PCDHGA3: variants seen among roughly 807,000 people sequenced by gnomAD.
PCDHGA3 encodes the protein protocadherin gamma subfamily A, 3, also known as protocadherin gamma-A3.
In PCDHGA3, 40 loss-of-function variants were observed where a neutral mutation model predicts 58.5. The observed-to-expected ratio is 0.68, with a 90% confidence interval of 0.53 to 0.89. PCDHGA3 has a LOEUF of 0.89. Among genes scored for constraint, PCDHGA3 ranks in the 40% least tolerant of loss-of-function variants. The pLI is 0.00. For missense variants in PCDHGA3, 1,223 were observed against 1,195.9 expected, an observed-to-expected ratio of 1.02 and a Z score of -0.33; for synonymous variants, 530 against 525.7, an observed-to-expected ratio of 1.01 and a Z score of -0.11.
At chr5:141,396,767 G>A (rs900685366) in intron 1 of PCDHGA3, 1 of 152,338 alleles carries the variant, frequency 6.6e-6, no homozygotes, top group East Asian at 1.9e-4. Context: ...ATAAATGTTT[G>A]TTATTAATGA....
At chr5:141,406,371 C>T (rs893677721) in intron 1 of PCDHGA3, among the ~76,000 whole-genome samples, 1 of 152,154 alleles carries the variant, frequency 6.6e-6, no homozygotes, top group African/African-American at 2.4e-5. Context: ...TAAGGGTAAA[C>T]TGATAAAAAG....
At position 141,355,654 on chromosome 5, in the gene PCDHGA3, T is replaced by C. The variant is rs199886630; in HGVS notation, c.2424+9197T>C. 3.2e-3 allele frequency: 5,118 copies of C among 1,613,994 alleles called. 18 individuals carry two copies. The highest frequency in any genetic ancestry group is 4.0e-3 in the Non-Finnish European group (4,668 of 1,179,882). ...TGAAAATGAAAATCCTGGGGCAAGA[T>C]TTCCTCTTCCTGAAGCTTTTGATCC... On this transcript the variant is annotated intron_variant, in intron 1 of 3. Transcript: ENST00000253812.
At chr5:141,361,727 C>G in intron 1 of PCDHGA3, 13 of 1,613,274 alleles carry the variant, frequency 8.1e-6, no homozygotes, top group Non-Finnish European at 1.1e-5. Flanking sequence ...TTCGAGCTCA[C>G]ACTGCAGGCC....
chr5:141,408,112 C>T, intron 1 of PCDHGA3: 1 of 1,460,448 alleles, frequency 6.8e-7, no homozygotes, highest in African/African-American at 1.4e-5. Flanking sequence ...CCCGGGACTC[C>T]TCCTGTCCTG....
intron 1 of PCDHGA3, among the ~76,000 whole-genome samples, chr5:141,364,017 G>C (rs535899523): frequency 1.3e-5 from 2 of 152,304 alleles, no homozygotes; most frequent in South Asian, 2.1e-4. Context: ...ACGCTACACA[G>C]TTAAACATTA....
intron 1 of PCDHGA3, chr5:141,413,946 G>A: frequency 6.2e-7 from 1 of 1,613,414 alleles, no homozygotes; most frequent in Non-Finnish European, 8.5e-7. Flanking sequence ...GTGTTCCTGA[G>A]AATTTGCCTG....
rs773840884 is a variant in PCDHGA3 at position 141,372,185 on chromosome 5, C to A, written c.2424+25728C>A. 4 of 1,613,630 alleles carry A rather than the reference C, an allele frequency of 2.5e-6. No individual in the cohort carries two copies. The South Asian group carries it at 4.4e-5, about 18-fold the overall frequency. The stretch of plus-strand genomic sequence containing the variant: ...CCAAGGTGGTGGCGGTGGACGCAGA[C>A]TCGGGATACAACGCCTGGCTGTCCT... On this transcript the variant is annotated intron_variant, in intron 1 of 3. Transcript: ENST00000253812.
intron 1 of PCDHGA3, chr5:141,396,605 G>A (rs2093403616): frequency 6.6e-6 from 1 of 151,594 alleles, no homozygotes; most frequent in Non-Finnish European, 1.5e-5. Flanking sequence ...GGGCAACAGG[G>A]TGAGACTCCG....
rs1386460009 is a variant in PCDHGA3 at position 141,390,018 on chromosome 5, C to T, written c.2424+43561C>T. On this transcript the variant is annotated intron_variant, in intron 1 of 3. Transcript: ENST00000253812. ...GGCCATGATTCTGGCCATTGCCTTG[C>T]GCCTGCGACGCTCCTCCAGCCCCGC... is the stretch of plus-strand genomic sequence containing the variant. The T allele has an allele frequency of 6.2e-7, 1 of 1,614,062 alleles. No individual in the cohort carries two copies. Among genetic ancestry groups the T allele is most frequent in the South Asian group, 1.1e-5 (1 of 91,078 alleles).
intron 1 of PCDHGA3, chr5:141,441,678 G>A (rs952726158): frequency 3.4e-6 from 1 of 292,424 alleles, no homozygotes; most frequent in Non-Finnish European, 6.7e-6. Flanking sequence ...GTGCGCCTTC[G>A]ACCAAGAGCA....
chr5:141,418,840 C>G, intron 1 of PCDHGA3: 1 of 1,614,006 alleles, frequency 6.2e-7, no homozygotes. Flanking sequence ...GAGGATCTCT[C>G]TCAACACGGT....
chr5:141,406,344 A>G (rs1227863234), intron 1 of PCDHGA3, among the ~76,000 whole-genome samples: 1 of 152,148 alleles, frequency 6.6e-6, no homozygotes, highest in Non-Finnish European at 1.5e-5. Flanking sequence ...TCATTTATTC[A>G]GGTCATACTA....
intron 1 of PCDHGA3, chr5:141,365,450 G>A: frequency 6.2e-7 from 1 of 1,614,010 alleles, no homozygotes; most frequent in Non-Finnish European, 8.5e-7. Context: ...CGTACATGAT[G>A]GTGATTCTGG....
intron 1 of PCDHGA3, chr5:141,398,414 G>A (rs373274513): frequency 1.2e-4 from 186 of 1,488,072 alleles, no homozygotes; most frequent in Non-Finnish European, 1.6e-4. Context: ...GAGGAGATAT[G>A]CGGGAAGAAG....
At chr5:141,427,276 T>G (rs1281222927) in intron 1 of PCDHGA3, 1 of 456,754 alleles carries the variant, frequency 2.2e-6, no homozygotes, top group Non-Finnish European at 4.4e-6. Context: ...GAATGTAAAA[T>G]TATACTAGAA....
At position 141,490,788 on chromosome 5, in the gene PCDHGA3, C is replaced by G. The variant is rs2099704332; in HGVS notation, c.2425-4019C>G. ...ATGTCAACCCAGAGGATGGACGGAT[C>G]TTTGCCCAGCGTACCTTTGACTATG... On this transcript the variant is annotated intron_variant, in intron 1 of 3. Coordinates refer to ENST00000253812, the MANE Select transcript of PCDHGA3 (RefSeq NM_018916.4). The surrounding 1 kb of genome is among the most constrained non-coding windows in gnomAD (Gnocchi z 5.4). 6.2e-7 allele frequency: 1 copy of G among 1,613,918 alleles called. No homozygotes were observed. The highest frequency in any genetic ancestry group is 1.1e-5 in the South Asian group (1 of 91,084).
Position 141,399,778 on chromosome 5 carries a change from C to G in PCDHGA3, c.2424+53321C>G, listed in dbSNP as rs187080333. ...GAGCCTGCGCGTGTTGGTGGGCGACCGAAACGACAACGCACCGCGGGTGCT... is the reference window on the plus strand; with the variant it reads ...GAGCCTGCGCGTGTTGGTGGGCGACGGAAACGACAACGCACCGCGGGTGCT... On this transcript the variant is annotated intron_variant, in intron 1 of 3. Coordinates refer to ENST00000253812, the MANE Select transcript of PCDHGA3 (RefSeq NM_018916.4). The G allele has an allele frequency of 3.4e-4, 542 of 1,613,250 alleles. 2 individuals are homozygous for G. The African/African-American group carries it at 5.6e-3, about 17-fold the overall frequency.
intron 1 of PCDHGA3, chr5:141,404,997 C>A (rs2154535986): frequency 6.2e-7 from 1 of 1,614,034 alleles, no homozygotes; most frequent in East Asian, 2.2e-5. Context: ...CAGATCCCTG[C>A]AGACCTGGAG....
At chr5:141,433,487 C>T (rs1052153936) in intron 1 of PCDHGA3, among the ~76,000 whole-genome samples, 3 of 152,094 alleles carry the variant, frequency 2.0e-5, no homozygotes, top group African/African-American at 7.2e-5. Context: ...TCCTGCTTCT[C>T]CCTCCCAAAC....
Sources: allele counts gnomAD v4.1 joint callset (sites outside exome capture counted in the v4.1 genomes callset), GRCh38; gene constraint gnomAD v4.1.1; non-coding constraint Gnocchi (gnomAD v3.1); transcripts MANE v1.5; gene names NCBI Gene and HGNC (gene_info 2026-07-23, HGNC 2026-07-21).